The following PPARG variants were observed in gnomAD, a reference collection of about 807,000 sequenced individuals.
PPARG encodes the protein peroxisome proliferator-activated receptor gamma.
Under a neutral mutation model 39.2 loss-of-function variants are expected in PPARG, and 17 were observed. The ratio of observed to expected loss-of-function variants is 0.43; its 90% CI spans 0.30 to 0.65. The LOEUF is 0.65. PPARG is among the 30% of genes least tolerant of loss of function. The pLI is 0.13. For missense variants in PPARG, 406 were observed against 585.9 expected (o/e 0.69, Z 3.17); for synonymous variants, 223 against 215.7 (o/e 1.03, Z -0.30).
chr3:12,396,316 T>C (rs376490030), intron 5 of PPARG, among the ~76,000 whole-genome samples: 21 of 152,262 alleles, frequency 1.4e-4, no homozygotes, highest in Admixed American at 5.2e-4. Context: ...AAGATGGGGC[T>C]TCACCATGTT....
At chr3:12,357,177 C>G (rs937602329) in intron 2 of PPARG, among the ~76,000 whole-genome samples, 4 of 152,018 alleles carry the variant, frequency 2.6e-5, no homozygotes, top group Non-Finnish European at 4.4e-5. Context: ...GAGTCAGATC[C>G]GTCACTCCAC....
At chr3:12,306,817 C>T (rs981335312) in intron 1 of PPARG, among the ~76,000 whole-genome samples, 1 of 152,100 alleles carries the variant, frequency 6.6e-6, no homozygotes, top group Non-Finnish European at 1.5e-5. Context: ...AACCGCTGGG[C>T]CGGGCGCGGT....
intron 2 of PPARG, among the ~76,000 whole-genome samples, chr3:12,358,124 C>T (rs2048725417): frequency 6.6e-6 from 1 of 152,162 alleles, no homozygotes; most frequent in East Asian, 1.9e-4. Context: ...TGCACCGTGT[C>T]CCTCCATTAG....
At chr3:12,383,216 T>A (rs1487192879) in intron 4 of PPARG, among the ~76,000 whole-genome samples, 2 of 152,030 alleles carry the variant, frequency 1.3e-5, no homozygotes, top group Non-Finnish European at 2.9e-5. Flanking sequence ...CTTATTCATC[T>A]CTAAGTTCTG....
intron 7 of PPARG, among the ~76,000 whole-genome samples, chr3:12,430,897 T>C (rs146051241): frequency 1.1e-4 from 16 of 152,142 alleles, no homozygotes; most frequent in Non-Finnish European, 1.8e-4. Flanking sequence ...CATAGGGTGT[T>C]TGAGGAACTT....
At chr3:12,308,516 T>C (rs1338928085) in intron 1 of PPARG, among the ~76,000 whole-genome samples, 1 of 152,174 alleles carries the variant, frequency 6.6e-6, no homozygotes, top group African/African-American at 2.4e-5. Flanking sequence ...CCAATCGTTA[T>C]GCATGCTATT....
chr3:12,416,996 A>C lies in PPARG; in HGVS notation c.1022A>C (p.Glu341Ala). Residue 341 changes from glutamate (E) to alanine (A), a missense_variant, in exon 7 of 8, where the codon GAG becomes GCG. By Grantham distance (107) the Glu-to-Ala change is moderately radical. Transcript: ENST00000651735. ...LMNKDGVLIS[E>A]GQGFMTREFL... ...AATAAAGATGGGGTTCTCATATCCGAGGGCCAAGGCTTCATGACAAGGGAG... is the reference window on the plus strand; with the variant it reads ...AATAAAGATGGGGTTCTCATATCCGCGGGCCAAGGCTTCATGACAAGGGAG... 1 of 1,614,048 alleles carries C rather than the reference A, an allele frequency of 6.2e-7. No homozygotes were observed. The highest frequency in any genetic ancestry group is 8.5e-7 in the Non-Finnish European group (1 of 1,179,970).
chr3:12,385,666 C>CT (rs1158525438), intron 4 of PPARG, among the ~76,000 whole-genome samples: 1 of 152,074 alleles, frequency 6.6e-6, no homozygotes, highest in East Asian at 1.9e-4. Context: ...ACAATGTAAT[C>CT]TAAGTTTGTA....
At chr3:12,335,601 T>G (rs555845678) in intron 2 of PPARG, among the ~76,000 whole-genome samples, 2 of 152,296 alleles carry the variant, frequency 1.3e-5, no homozygotes, top group South Asian at 4.1e-4. Context: ...TCTGGTTGCT[T>G]GAAAAGTGGC....
At position 12,405,744 on chromosome 3, in the gene PPARG, G is replaced by C. The variant is rs2050636272; in HGVS notation, c.530-138G>C. The C allele has an allele frequency of 4.9e-6, 4 of 824,380 alleles. No individual in the cohort carries two copies. The Admixed American group carries it at 8.1e-5, about 17-fold the overall frequency. The allele number at this position is 824,380 out of a possible 1,614,324, so 51.1% of individuals were successfully genotyped here. On this transcript the variant is annotated intron_variant, in intron 5 of 7. Transcript: ENST00000651735. ...TGTGAAATAAAAACATGAGCAAAGT[G>C]GTAGACAGAAACCAGGACTCAAGAG...
rs1575040324 is a variant in PPARG at position 12,351,761 on chromosome 3, GTGTT to G, written c.-8-27937_-8-27934del. On this transcript the variant is annotated intron_variant, in intron 2 of 7. Transcript: ENST00000651735. ...GCTCTTGTAGTTTGTCTTCCAGGTTGTGTTTGTTTTAATACTATCATGTGTACAC... is the reference window on the plus strand; with the variant it reads ...GCTCTTGTAGTTTGTCTTCCAGGTTGTGTTTTAATACTATCATGTGTACAC... 1.3e-5 allele frequency: 14 copies of G among 1,079,208 alleles called. No individual in the cohort carries two copies. The East Asian group carries it at 3.3e-4, about 26-fold the overall frequency. The allele number at this position is 1,079,208 out of a possible 1,614,324, so 66.9% of individuals were successfully genotyped here.
chr3:12,372,387 G>A (rs1370489643), intron 2 of PPARG, among the ~76,000 whole-genome samples: 1 of 152,174 alleles, frequency 6.6e-6, no homozygotes, highest in Non-Finnish European at 1.5e-5. Flanking sequence ...CTTAGTTACT[G>A]CGTACTTTTA....
intron 2 of PPARG, among the ~76,000 whole-genome samples, chr3:12,323,750 T>A (rs1369722418): frequency 6.7e-6 from 1 of 150,068 alleles, no homozygotes; most frequent in Non-Finnish European, 1.5e-5. Context: ...TAATGAAAGG[T>A]CAAGAAGAAT....
chr3:12,295,262 T>C (rs549985556), intron 1 of PPARG, among the ~76,000 whole-genome samples: 3 of 152,184 alleles, frequency 2.0e-5, no homozygotes, highest in Non-Finnish European at 2.9e-5. Context: ...TTCTGTTTTA[T>C]ATGGTGGATA....
chr3:12,298,252 TC>T (rs1182826977), intron 1 of PPARG, among the ~76,000 whole-genome samples: 2 of 111,664 alleles, frequency 1.8e-5, no homozygotes. Context: ...TGAGCCGAGA[TC>T]CCGCCACTGC....
At chr3:12,394,312 G>T (rs1254427664) in intron 5 of PPARG, among the ~76,000 whole-genome samples, 1 of 152,094 alleles carries the variant, frequency 6.6e-6, no homozygotes, top group South Asian at 2.1e-4. Context: ...TTACTTACAG[G>T]CAGTGCATAC....
intron 2 of PPARG, among the ~76,000 whole-genome samples, chr3:12,354,168 A>G (rs1244870087): frequency 2.0e-5 from 3 of 152,196 alleles, no homozygotes; most frequent in Non-Finnish European, 4.4e-5. Flanking sequence ...ACATTTAGAT[A>G]ACTGACCAAA....
chr3:12,398,802 G>T (rs956177670), intron 5 of PPARG, among the ~76,000 whole-genome samples: 1 of 152,214 alleles, frequency 6.6e-6, no homozygotes, highest in Non-Finnish European at 1.5e-5. Context: ...AGTTCTGGCC[G>T]AGAGAAAAGC....
At chr3:12,313,431 C>G (rs1461241026) in intron 2 of PPARG, among the ~76,000 whole-genome samples, 2 of 152,050 alleles carry the variant, frequency 1.3e-5, no homozygotes, top group African/African-American at 2.4e-5. Context: ...AGATTCCAAA[C>G]TTTTTGGGCA....
Sources: allele counts gnomAD v4.1 joint callset (sites outside exome capture counted in the v4.1 genomes callset), GRCh38; gene constraint gnomAD v4.1.1; transcripts MANE v1.5; gene names NCBI Gene and HGNC (gene_info 2026-07-23, HGNC 2026-07-21).